The following ZNF606 variants were observed in gnomAD, a reference collection of about 807,000 sequenced individuals.
The protein encoded by ZNF606 is zinc finger protein 328.
A neutral mutation model predicts 74.9 loss-of-function variants in ZNF606; 37 were observed. The ratio of observed to expected loss-of-function variants is 0.49; its 90% CI spans 0.38 to 0.65. ZNF606 has a LOEUF of 0.65. Among genes scored for constraint, ZNF606 ranks in the 30% least tolerant of loss-of-function variants. ZNF606 has a pLI of 0.00. For missense variants in ZNF606, 852 were observed against 952.9 expected (o/e 0.89, Z 1.39); for synonymous variants, 328 against 312.4 (o/e 1.05, Z -0.53).
In ZNF606 at chr19:58,000,722, A is replaced by G; in HGVS notation, c.49T>C (p.Ser17Pro). 6.3e-7 allele frequency: 1 copy of G among 1,593,712 alleles called. No homozygotes were observed. Among genetic ancestry groups the G allele is most frequent in the Non-Finnish European group, 8.6e-7 (1 of 1,168,760 alleles). ...GGGTCAACAGCTGTCATCCCCCAAG[A>G]TTGGTCCGTAAGGGCACCTGCACAG... ...WASWGALTDQ[S>P]WGMTAVDPWA... The change falls in exon 3 of 7, where the codon TCT (serine) becomes CCT (proline). Residue 17 changes from serine to proline, a missense_variant. Physicochemically the swap from Ser to Pro is moderately conservative, Grantham distance 74. Coordinates refer to ENST00000551380, the MANE Select transcript of ZNF606 (RefSeq NM_001348022.3).
chr19:57,987,200 G>A (rs1201761872), intron 6 of ZNF606, among the ~76,000 whole-genome samples: 1 of 152,118 alleles, frequency 6.6e-6, no homozygotes, highest in Non-Finnish European at 1.5e-5. Flanking sequence ...CTGTGTTTTG[G>A]GGGAATAACA....
In ZNF606 at chr19:57,999,867, C is replaced by T. The variant is rs139131343; in HGVS notation, c.118G>A (p.Val40Met). 3.2e-3 allele frequency: 5,178 copies of T among 1,614,056 alleles called. 36 individuals are homozygous for T. Among genetic ancestry groups the T allele is most frequent in the South Asian group, 0.012 (1,115 of 91,078 alleles). Residue 40 changes from valine to methionine, a missense_variant, in exon 4 of 7, where the codon GTG (valine) becomes ATG (methionine). Val to Met is a conservative substitution (Grantham distance 21). Transcript: ENST00000551380. ...ALCPQYPAWH[V>M]EGSLEEGRRA... ...CTCCCCTCCTCCAGGCTTCCCTCCA[C>T]GTGCCAGGCAGGATACTGAGGACAC...
intron 5 of ZNF606, 33 bp downstream of exon 5, chr19:57,988,562 C>G (rs1305445061): frequency 1.9e-6 from 3 of 1,600,664 alleles, no homozygotes; most frequent in South Asian, 2.2e-5. Context: ...ACCATGGGAA[C>G]AGCTTCGTTT....
At position 57,980,261 on chromosome 19, in the gene ZNF606, T is replaced by C. The variant is rs1250353799; in HGVS notation, c.419A>G (p.Glu140Gly). ...CTGTGCTGGGATCAATGCTTTGCTT[T>C]CAAGATTTCTCACCCATTCTGAAAC... is the stretch of plus-strand genomic sequence containing the variant. ...RTCPEWVRNL[E>G]SKALIPAQSI... The change falls in exon 7 of 7, where the codon GAA (glutamate) becomes GGA (glycine). Residue 140 changes from glutamate (E) to glycine (G), a missense_variant. Physicochemically the swap from Glu to Gly is moderately conservative, Grantham distance 98. Around this residue, in one of 3 missense-constraint regions of ZNF606, gnomAD observed 545 missense variants for 542.5 expected, o/e 1.00. Coordinates refer to ENST00000551380, the MANE Select transcript of ZNF606 (RefSeq NM_001348022.3). 6.2e-7 allele frequency: 1 copy of C among 1,606,446 alleles called. No individual in the cohort carries two copies. The highest frequency in any genetic ancestry group is 8.5e-7 in the Non-Finnish European group (1 of 1,176,756).
intron 6 of ZNF606, among the ~76,000 whole-genome samples, chr19:57,987,776 C>T (rs1430236218): frequency 2.6e-5 from 4 of 152,138 alleles, no homozygotes; most frequent in Middle Eastern, 3.4e-3. Context: ...TGCAGTGAGC[C>T]GAGATCGCAC....
intron 4 of ZNF606, among the ~76,000 whole-genome samples, chr19:57,989,592 G>A (rs957481790): frequency 1.2e-4 from 18 of 151,960 alleles, no homozygotes; most frequent in East Asian, 7.9e-4. Flanking sequence ...GACAATAGGC[G>A]TGCACCACCC....
At chr19:57,992,310 A>T (rs779398551) in intron 4 of ZNF606, among the ~76,000 whole-genome samples, 1 of 152,180 alleles carries the variant, frequency 6.6e-6, no homozygotes, top group Non-Finnish European at 1.5e-5. Flanking sequence ...TGGGACAACC[A>T]GACACCATGT....
chr19:57,983,265 G>A (rs970400635), intron 6 of ZNF606, among the ~76,000 whole-genome samples: 7 of 152,228 alleles, frequency 4.6e-5, no homozygotes, highest in African/African-American at 1.7e-4. Context: ...ACCAAACAGT[G>A]ATGAATATAC....
In ZNF606 at chr19:57,989,633, G is replaced by C. The variant is rs539781149; in HGVS notation, c.178-912C>G. Among the ~76,000 whole-genome samples, 5 of 151,954 alleles carry C rather than the reference G, an allele frequency of 3.3e-5. No homozygotes were observed. In the East Asian group the frequency reaches 7.9e-4, roughly 24 times the overall value. ...GGCTAATTTTTGTATTTTTAGTAGA[G>C]ACAGGGTTTTGCCATGTTGGCCAGG... On this transcript the variant is annotated intron_variant, in intron 4 of 6. Coordinates refer to ENST00000551380, the MANE Select transcript of ZNF606 (RefSeq NM_001348022.3).
intron 3 of ZNF606, chr19:58,000,223 G>GTT: frequency 2.4e-6 from 1 of 411,492 alleles, no homozygotes; most frequent in Non-Finnish European, 4.2e-6. Context: ...CTGCTCACTG[G>GTT]TTTTCTTTTT....
At chr19:57,993,445 T>C (rs1276345920) in intron 4 of ZNF606, among the ~76,000 whole-genome samples, 3 of 152,000 alleles carry the variant, frequency 2.0e-5, no homozygotes, top group East Asian at 3.9e-4. Flanking sequence ...GCAGAACAGA[T>C]AGATGAAGGT....
At chr19:58,000,830 C>T in intron 2 of ZNF606, 91 bp from the exon 3 acceptor site, 1 of 1,257,798 alleles carries the variant, frequency 8.0e-7, no homozygotes, top group Non-Finnish European at 1.1e-6. Flanking sequence ...CTAATGGGCA[C>T]TACAAAATTC....
upstream of ZNF606, chr19:58,003,296 G>A (rs1488084097): frequency 1.3e-5 from 6 of 456,626 alleles, 1 homozygote; most frequent in Non-Finnish European, 2.6e-5. Flanking sequence ...CTTTCCAGAG[G>A]CCAGGCTTTA....
At position 57,978,304 on chromosome 19, in the gene ZNF606, A is replaced by G. The variant is rs763099473; in HGVS notation, c.2376T>C (p.Asn792=). 1.3e-6 allele frequency: 2 copies of G among 1,556,452 alleles called. No homozygotes were observed. Among genetic ancestry groups the G allele is most frequent in the Non-Finnish European group, 1.7e-6 (2 of 1,151,422 alleles). The change falls in exon 7 of 7, where the codon AAT becomes AAC. Residue 792 remains asparagine (N), a synonymous_variant. Coordinates refer to ENST00000551380, the MANE Select transcript of ZNF606 (RefSeq NM_001348022.3). The surrounding 1 kb of genome is among the most constrained non-coding windows in gnomAD (Gnocchi z 4.4). Reference sequence around the variant, plus strand: ...GAAACGAAAAACTCGCATAAATTCAATTCAGTTTCTCTTCACTGTGATTTC... The same window carrying G: ...GAAACGAAAAACTCGCATAAATTCAGTTCAGTTTCTCTTCACTGTGATTTC... ...HQRNHSEEKL[N] is the part of the protein sequence containing the mutation.
At chr19:57,991,840 C>T (rs146024403) in intron 4 of ZNF606, among the ~76,000 whole-genome samples, 32 of 151,838 alleles carry the variant, frequency 2.1e-4, no homozygotes, top group African/African-American at 6.5e-4. Flanking sequence ...GTGCACAAAA[C>T]CTATGCTTGA....
chr19:57,985,131 C>A (rs1568576265), intron 6 of ZNF606, among the ~76,000 whole-genome samples: 1 of 151,870 alleles, frequency 6.6e-6, no homozygotes, highest in Non-Finnish European at 1.5e-5. Flanking sequence ...AACAAAAACA[C>A]AAAAAAACAA....
intron 4 of ZNF606, chr19:57,998,571 G>A (rs2123340478): frequency 6.6e-6 from 1 of 152,328 alleles, no homozygotes; most frequent in South Asian, 2.1e-4. Context: ...GAAACAGGGA[G>A]TGACTACTAA....
chr19:57,999,964 G>T, intron 3 of ZNF606, 68 bp from the exon 4 acceptor site: 2 of 1,459,796 alleles, frequency 1.4e-6, no homozygotes, highest in Non-Finnish European at 1.9e-6. Flanking sequence ...CTTCTGGGGG[G>T]CTGAGAACCA....
Position 57,979,349 on chromosome 19 carries a change from G to A in ZNF606, c.1331C>T (p.Thr444Met), listed in dbSNP as rs377661698. 2.0e-5 allele frequency: 33 copies of A among 1,613,070 alleles called. 1 individual carries two copies. The highest frequency in any genetic ancestry group is 1.6e-4 in the African/African-American group (12 of 74,896). The change falls in exon 7 of 7, where the codon ACG (threonine) becomes ATG (methionine). Residue 444 changes from threonine to methionine, a missense_variant. This residue lies in a region of ZNF606 where 545 missense variants were observed against 542.5 expected (regional missense o/e 1.00). Coordinates refer to ENST00000551380, the MANE Select transcript of ZNF606 (RefSeq NM_001348022.3). ...GKVFRNRSAL[T>M]KHERTHTGIK... is the part of the protein sequence containing the mutation. Reference sequence around the variant, plus strand: ...TCCAGTGTGAGTCCGTTCATGTTTCGTAAGGGCTGAGCGATTCCTAAAAAC... The same window carrying A: ...TCCAGTGTGAGTCCGTTCATGTTTCATAAGGGCTGAGCGATTCCTAAAAAC...
Sources: allele counts gnomAD v4.1 joint callset (sites outside exome capture counted in the v4.1 genomes callset), GRCh38; gene constraint gnomAD v4.1.1; regional missense constraint gnomAD v4.1.1; non-coding constraint Gnocchi (gnomAD v3.1); transcripts MANE v1.5; gene names NCBI Gene and HGNC (gene_info 2026-07-23, HGNC 2026-07-21).